The following ZFHX3 variants were observed in gnomAD, a reference collection of about 807,000 sequenced individuals.
The protein encoded by ZFHX3 is zinc finger homeobox 3, also known as zinc finger homeobox protein 3.
A neutral mutation model predicts 279.1 loss-of-function variants in ZFHX3; 42 were observed. That is an observed-to-expected ratio of 0.15 (90% confidence interval 0.12 to 0.19). The LOEUF (loss-of-function observed/expected upper bound fraction) is 0.19, where lower values mean the gene tolerates loss of function less well. Ranked by LOEUF, ZFHX3 falls within the 10% of genes least tolerant of loss-of-function variation. The probability of loss-of-function intolerance (pLI) is 1.00; values close to 1 mark genes in which losing one functional copy is unlikely to be tolerated. For missense variants in ZFHX3, 4,981 were observed against 4,754.0 expected (o/e 1.05, Z -1.40); for synonymous variants, 2,293 against 1,957.8 (o/e 1.17, Z -4.52).
intron 1 of ZFHX3, among the ~76,000 whole-genome samples, chr16:73,749,819 C>T (rs2053743630): frequency 6.6e-6 from 1 of 152,164 alleles, no homozygotes; most frequent in Admixed American, 6.5e-5. Flanking sequence ...TCAAAGCTCC[C>T]TACTTGAAGG....
At chr16:73,711,328 T>C (rs527622247) in intron 1 of ZFHX3, among the ~76,000 whole-genome samples, 1 of 151,974 alleles carries the variant, frequency 6.6e-6, no homozygotes, top group South Asian at 2.1e-4. Flanking sequence ...TATAAGAAAA[T>C]AAAAAGAAGT....
At chr16:73,646,693 C>T (rs2052621073) in intron 2 of ZFHX3, among the ~76,000 whole-genome samples, 2 of 152,130 alleles carry the variant, frequency 1.3e-5, no homozygotes, top group Non-Finnish European at 2.9e-5. Context: ...CAATTGTATA[C>T]TGACAAACTT....
chr16:73,412,725 G>A (rs1056747219), intron 3 of ZFHX3, among the ~76,000 whole-genome samples: 2 of 152,176 alleles, frequency 1.3e-5, no homozygotes, highest in Non-Finnish European at 1.5e-5. Flanking sequence ...ACCACCATGC[G>A]TGATACTGTT....
At chr16:73,657,450 T>A (rs541202142) in intron 2 of ZFHX3, among the ~76,000 whole-genome samples, 63 of 152,252 alleles carry the variant, frequency 4.1e-4, no homozygotes, top group Non-Finnish European at 6.9e-4. Flanking sequence ...AGAGCAAGAC[T>A]CCATCTCAAA....
At chr16:73,863,137 C>T (rs976633570) in intron 1 of ZFHX3, among the ~76,000 whole-genome samples, 4 of 152,064 alleles carry the variant, frequency 2.6e-5, no homozygotes, top group Admixed American at 2.0e-4. Flanking sequence ...ACCCGGGAGG[C>T]GGAGGTTGCA....
rs549383633 is a variant in ZFHX3 at position 72,950,598 on chromosome 16, G to C, written c.3087C>G (p.Leu1029=). 2 of 1,614,200 alleles carry C rather than the reference G, an allele frequency of 1.2e-6. No individual in the cohort carries two copies. The highest frequency in any genetic ancestry group is 1.7e-6 in the Non-Finnish European group (2 of 1,180,048). The change falls in exon 3 of 10, where the codon CTC becomes CTG. Residue 1029 remains leucine (L), a synonymous_variant. Transcript: ENST00000268489. ...CGGGGTTGCCGATGGCCACACACTT[G>C]AGCCTCCACTCGTTGGCCTTGCCGC... The part of the protein sequence containing the change: ...KEGGKANEWR[L]KCVAIGNPVH...
chr16:72,994,478 A>G (rs956084269), intron 1 of ZFHX3, among the ~76,000 whole-genome samples: 1 of 152,310 alleles, frequency 6.6e-6, no homozygotes, highest in Non-Finnish European at 1.5e-5. Flanking sequence ...TTGAGTACCA[A>G]TGGGACTTAG....
At chr16:73,152,799 T>G (rs966039628) in intron 5 of ZFHX3, among the ~76,000 whole-genome samples, 3,658 of 25,696 alleles carry the variant, frequency 0.14, no homozygotes, top group Admixed American at 0.18. Context: ...GCTACCGGGG[T>G]GAGGAGGGGA....
At chr16:72,822,918 A>C (rs2036835875) in intron 5 of ZFHX3, among the ~76,000 whole-genome samples, 1 of 151,876 alleles carries the variant, frequency 6.6e-6, no homozygotes, top group Non-Finnish European at 1.5e-5. Flanking sequence ...TCTCAAAGCC[A>C]AGACCTTTGA....
At chr16:73,111,006 T>G (rs1045612364) in intron 7 of ZFHX3, among the ~76,000 whole-genome samples, 2 of 152,174 alleles carry the variant, frequency 1.3e-5, no homozygotes, top group Non-Finnish European at 2.9e-5. Flanking sequence ...AGTGGCATGA[T>G]CTCGGCTCAC....
At chr16:73,484,634 A>G (rs192785945) in intron 2 of ZFHX3, among the ~76,000 whole-genome samples, 16 of 152,338 alleles carry the variant, frequency 1.1e-4, no homozygotes, top group African/African-American at 3.6e-4. Context: ...TGTGATGCCT[A>G]CAGTGCATAC....
rs776000561 is a variant in ZFHX3, at chr16:72,957,671, A to G, written c.2475T>C (p.Ser825=). 1.9e-6 allele frequency: 3 copies of G among 1,614,008 alleles called. No individual in the cohort carries two copies. In the South Asian group the frequency reaches 3.3e-5, roughly 18 times the overall value. The part of the protein sequence containing the change: ...VARNLRIHMT[S]EKHMHNMMLL... ...ACATCATGTTATGCATGTGCTTCTC[A>G]CTGGTCATGTGAATGCGGAGGTTCC... Residue 825 remains serine (S), a synonymous_variant, in exon 2 of 10, where the codon AGT becomes AGC. Transcript: ENST00000268489.
chr16:73,670,500 T>C (rs1315383636), intron 2 of ZFHX3, among the ~76,000 whole-genome samples: 1 of 152,208 alleles, frequency 6.6e-6, no homozygotes, highest in Admixed American at 6.5e-5. Context: ...ATCGACTACT[T>C]TAAGCTTAAT....
chr16:72,815,405 CAAAAA>C (rs369741126), intron 5 of ZFHX3, among the ~76,000 whole-genome samples: 2 of 93,060 alleles, frequency 2.1e-5, no homozygotes, highest in South Asian at 3.5e-4. Context: ...GAGACTGTCT[CAAAAA>C]AAAAAAAAAA....
chr16:73,679,177 A>G (rs1443659972), intron 2 of ZFHX3, among the ~76,000 whole-genome samples: 2 of 152,026 alleles, frequency 1.3e-5, no homozygotes, highest in African/African-American at 4.8e-5. Context: ...TATTTTATCA[A>G]GGCATTTGAT....
chr16:73,549,567 C>T (rs1416581384), intron 2 of ZFHX3, among the ~76,000 whole-genome samples: 1 of 152,144 alleles, frequency 6.6e-6, no homozygotes, highest in African/African-American at 2.4e-5. Flanking sequence ...CTATTTCAAG[C>T]CTTTTCTAAA....
At chr16:73,122,802 G>A (rs947931233) in intron 7 of ZFHX3, among the ~76,000 whole-genome samples, 4 of 152,126 alleles carry the variant, frequency 2.6e-5, no homozygotes, top group African/African-American at 9.7e-5. Context: ...GTGGCCCTGG[G>A]AGCTGAGCAC....
intron 2 of ZFHX3, among the ~76,000 whole-genome samples, chr16:73,582,205 A>G (rs927436782): frequency 1.3e-5 from 2 of 151,844 alleles, no homozygotes; most frequent in Non-Finnish European, 2.9e-5. Context: ...GTGGCACAAA[A>G]CACGACAGGC....
rs552696439 is a variant in ZFHX3, at chr16:72,960,092, G to C, written c.54C>G (p.Ile18Met). The C allele has an allele frequency of 6.2e-7, 1 of 1,609,416 alleles. No homozygotes were observed. The highest frequency in any genetic ancestry group is 1.3e-5 in the African/African-American group (1 of 74,716). ...VVSGKDNGCG[I>M]PQHQQWTELN... is the part of the protein sequence containing the mutation. Reference sequence around the variant, plus strand: ...GTTCAGTCCATTGCTGGTGCTGAGGGATACCGCACCCATTGTCCTTCCCCG... The same window carrying C: ...GTTCAGTCCATTGCTGGTGCTGAGGCATACCGCACCCATTGTCCTTCCCCG... The change falls in exon 2 of 10, where the codon ATC (isoleucine) becomes ATG (methionine). Residue 18 changes from isoleucine to methionine, a missense_variant. Physicochemically the swap from Ile to Met is conservative, Grantham distance 10 (BLOSUM62 1). Transcript: ENST00000268489.
Sources: gnomAD v4.1 joint callset for allele counts (sites outside exome capture counted in the v4.1 genomes callset) on GRCh38, gnomAD v4.1.1 for gene constraint, MANE v1.5 for transcripts, NCBI Gene and HGNC (gene_info 2026-07-23, HGNC 2026-07-21) for gene names.